EVI5: variants seen among roughly 807,000 people sequenced by gnomAD.
EVI5 encodes the protein ecotropic viral integration site 5.
Under a neutral mutation model 112.0 loss-of-function variants are expected in EVI5, and 73 were observed. The ratio of observed to expected loss-of-function variants is 0.65; its 90% CI spans 0.54 to 0.79. The LOEUF (loss-of-function observed/expected upper bound fraction) is 0.79. Ranked by LOEUF, EVI5 falls within the 30% of genes least tolerant of loss-of-function variation. The pLI, the probability that EVI5 is intolerant of heterozygous loss-of-function variation, is 0.00. For missense variants in EVI5, 900 were observed against 968.8 expected (o/e 0.93, Z 0.94); for synonymous variants, 305 against 319.9 (o/e 0.95, Z 0.50).
intron 18 of EVI5, among the ~76,000 whole-genome samples, chr1:92,564,846 A>G (rs947954777): frequency 7.9e-5 from 12 of 151,856 alleles, no homozygotes; most frequent in African/African-American, 2.9e-4. Context: ...CGCCTGGCTA[A>G]TTTTTGTATT....
In EVI5 at chr1:92,736,593, G is replaced by C; in HGVS notation, c.-47C>G. On this transcript the variant is annotated 5_prime_UTR_variant, in exon 2 of 20. Transcript: ENST00000684568. ...TGTGTTCTTCACCCATGAGAGAGTA[G>C]AGCTCAGCTTTTCTGCAACTTTGTC... 6.2e-7 allele frequency: 1 copy of C among 1,613,970 alleles called. No individual in the cohort carries two copies. Among genetic ancestry groups the C allele is most frequent in the Non-Finnish European group, 8.5e-7 (1 of 1,179,888 alleles).
rs1331479911 is a variant in EVI5 at position 92,550,304 on chromosome 1, A to T, written c.2166+13338T>A. 1.9e-4 allele frequency among the ~76,000 whole-genome samples: 25 copies of T among 128,262 alleles called. 1 individual carries two copies. Among genetic ancestry groups the T allele is most frequent in the Non-Finnish European group, 3.1e-5 (2 of 63,772 alleles). 84.1% of individuals were successfully genotyped at this position (128,262 alleles called of 152,430 possible). A position where few individuals can be genotyped will look rare whatever the true frequency, so the allele number is the denominator to read the frequency against. On this transcript the variant is annotated intron_variant, in intron 19 of 19. Coordinates refer to ENST00000684568, the MANE Select transcript of EVI5 (RefSeq NM_001350197.2). ...TAGGTGGGAACTGAACAATGAGAAC[A>T]GCTGGACACGGGAAGGGGAACATCA...
intron 9 of EVI5, among the ~76,000 whole-genome samples, chr1:92,692,939 A>G (rs1429950003): frequency 6.6e-6 from 1 of 152,240 alleles, no homozygotes; most frequent in Non-Finnish European, 1.5e-5. Flanking sequence ...GAGAAATCAC[A>G]GCTATTATTT....
At chr1:92,689,541 AT>A (rs1048783848) in intron 9 of EVI5, among the ~76,000 whole-genome samples, 1 of 152,008 alleles carries the variant, frequency 6.6e-6, no homozygotes, top group Admixed American at 6.6e-5. Flanking sequence ...TAATTTTTCT[AT>A]TTTTTTGTAG....
chr1:92,784,455 C>CT, intron 1 of EVI5: 1 of 985,072 alleles, frequency 1.0e-6, no homozygotes, highest in Non-Finnish European at 1.2e-6. Flanking sequence ...GCTCTCGCCC[C>CT]TCAGGTCCCC....
chr1:92,739,942 C>A, intron 1 of EVI5, among the ~76,000 whole-genome samples: 1 of 144,808 alleles, frequency 6.9e-6, no homozygotes, highest in African/African-American at 2.6e-5. Flanking sequence ...AAAAACCCAA[C>A]AGATCTTTAA....
intron 18 of EVI5, among the ~76,000 whole-genome samples, chr1:92,582,964 T>G (rs1042367230): frequency 6.6e-6 from 1 of 152,302 alleles, no homozygotes; most frequent in Admixed American, 6.5e-5. Flanking sequence ...TAAGTACATA[T>G]GCATGTAACA....
intron 9 of EVI5, among the ~76,000 whole-genome samples, chr1:92,693,158 C>T (rs1669763826): frequency 6.6e-6 from 1 of 151,820 alleles, no homozygotes; most frequent in Non-Finnish European, 1.5e-5. Flanking sequence ...TCGAGACCAG[C>T]CTGGGCAACA....
chr1:92,584,064 A>C (rs1435190029), intron 18 of EVI5, among the ~76,000 whole-genome samples: 1 of 152,144 alleles, frequency 6.6e-6, no homozygotes, highest in Non-Finnish European at 1.5e-5. Context: ...GACACAATGC[A>C]AGTTGCTTAG....
intron 18 of EVI5, among the ~76,000 whole-genome samples, chr1:92,595,931 G>A (rs1157784947): frequency 6.6e-6 from 1 of 152,176 alleles, no homozygotes; most frequent in African/African-American, 2.4e-5. Context: ...ATGACAGTAT[G>A]TTGAAATACT....
intron 9 of EVI5, among the ~76,000 whole-genome samples, chr1:92,686,016 GA>G (rs1458150896): frequency 6.6e-6 from 1 of 152,104 alleles, no homozygotes; most frequent in Non-Finnish European, 1.5e-5. Context: ...TCAATCAACA[GA>G]AAAAGAGGGA....
intron 3 of EVI5, 57 bp downstream of exon 3, chr1:92,704,498 G>T: frequency 8.9e-7 from 1 of 1,118,648 alleles, no homozygotes; most frequent in Non-Finnish European, 1.3e-6. Context: ...CCTCTATTAA[G>T]TTATGTCTGA....
intron 10 of EVI5, among the ~76,000 whole-genome samples, chr1:92,666,925 T>C (rs1665008668): frequency 6.6e-6 from 1 of 152,154 alleles, no homozygotes; most frequent in Admixed American, 6.5e-5. Flanking sequence ...ACCTATATAA[T>C]TAATATTCAA....
chr1:92,624,067 A>G (rs982804002), intron 16 of EVI5, 109 bp downstream of exon 16: 9 of 985,276 alleles, frequency 9.1e-6, no homozygotes, highest in Non-Finnish European at 1.1e-5. Context: ...CGGTCTATAC[A>G]GCTTCATATC....
At chr1:92,585,643 GTTTTA>G (rs1169014742) in intron 18 of EVI5, among the ~76,000 whole-genome samples, 2 of 151,822 alleles carry the variant, frequency 1.3e-5, no homozygotes, top group African/African-American at 4.8e-5. Context: ...TCACAAACTA[GTTTTA>G]AAAAAAATTA....
intron 1 of EVI5, among the ~76,000 whole-genome samples, chr1:92,744,585 A>ATC (rs3220876): frequency 8.3e-6 from 1 of 120,102 alleles, no homozygotes. Flanking sequence ...TATGCCAAAT[A>ATC]TCTCTCTCTC....
At chr1:92,591,572 T>C (rs1320439872) in intron 18 of EVI5, among the ~76,000 whole-genome samples, 1 of 152,144 alleles carries the variant, frequency 6.6e-6, no homozygotes. Flanking sequence ...CCATCCTAAA[T>C]ATATATGCAC....
At chr1:92,546,579 C>T (rs1665744199) in intron 19 of EVI5, among the ~76,000 whole-genome samples, 2 of 152,082 alleles carry the variant, frequency 1.3e-5, no homozygotes, top group Admixed American at 6.6e-5. Context: ...GCATGTAATA[C>T]CAGCTACTCA....
chr1:92,676,224 A>C (rs924929490), intron 10 of EVI5, among the ~76,000 whole-genome samples: 1 of 152,088 alleles, frequency 6.6e-6, no homozygotes, highest in Non-Finnish European at 1.5e-5. Context: ...TTTGAGGAGG[A>C]CCAAGGCAGG....
Sources: allele counts gnomAD v4.1 joint callset (sites outside exome capture counted in the v4.1 genomes callset), GRCh38; gene constraint gnomAD v4.1.1; transcripts MANE v1.5; gene names NCBI Gene and HGNC (gene_info 2026-07-23, HGNC 2026-07-21).